Variants in PPFIBP1 observed in about 807,000 individuals in gnomAD.
PPFIBP1 encodes liprin-beta-1.
A neutral mutation model predicts 137.8 loss-of-function variants in PPFIBP1; 112 were observed. The observed-to-expected ratio is 0.81, with a 90% CI of 0.70 to 0.95. The LOEUF is 0.95. Ranked by LOEUF, PPFIBP1 falls within the 40% of genes least tolerant of loss-of-function variation. The pLI is 0.00. For synonymous variants in PPFIBP1, 378 were observed against 417.3 expected, an observed-to-expected ratio of 0.91 and a Z score of 1.15; for missense variants, 1,083 against 1,196.6, an observed-to-expected ratio of 0.91 and a Z score of 1.40.
chr12:27,624,231 G>A (rs1335272518), intron 2 of PPFIBP1, among the ~76,000 whole-genome samples: 2 of 152,168 alleles, frequency 1.3e-5, no homozygotes, highest in Admixed American at 6.5e-5. Context: ...CCAAATGAGT[G>A]AGAGGCATAT....
intron 4 of PPFIBP1, among the ~76,000 whole-genome samples, chr12:27,642,906 G>A (rs2058214111): frequency 6.6e-6 from 1 of 152,016 alleles, no homozygotes; most frequent in Non-Finnish European, 1.5e-5. Context: ...GTTCTCCCAA[G>A]CCTGCAGGAC....
chr12:27,602,539 C>T (rs772705360), intron 2 of PPFIBP1, among the ~76,000 whole-genome samples: 9 of 152,164 alleles, frequency 5.9e-5, no homozygotes, highest in Non-Finnish European at 7.3e-5. Flanking sequence ...CTTTGAAAGA[C>T]GTAGACAACT....
At position 27,630,738 on chromosome 12, in the gene PPFIBP1, T is replaced by C. The variant is rs567801055; in HGVS notation, c.-35-2624T>C. Among the ~76,000 whole-genome samples the C allele has an allele frequency of 1.6e-4, 25 of 152,312 alleles. No individual in the cohort carries two copies. The South Asian group carries it at 4.1e-3, about 25-fold the overall frequency. On this transcript the variant is annotated intron_variant, in intron 2 of 29. Transcript: ENST00000228425. ...CTTCTGTCACCTGAATAGTGTACAT[T>C]GTACCTATTTTCATCCTCACCTCCC...
intron 2 of PPFIBP1, among the ~76,000 whole-genome samples, chr12:27,628,282 G>T (rs1328236376): frequency 6.6e-6 from 1 of 152,120 alleles, no homozygotes; most frequent in African/African-American, 2.4e-5. Context: ...CTGGGCTCAA[G>T]TGATCCACCT....
intron 1 of PPFIBP1, among the ~76,000 whole-genome samples, chr12:27,563,807 G>T (rs571582211): frequency 1.3e-5 from 2 of 151,572 alleles, no homozygotes; most frequent in Admixed American, 6.6e-5. Context: ...AACATAAAGG[G>T]ACTTAAGGAA....
In PPFIBP1 at chr12:27,656,694, A is replaced by G; in HGVS notation, c.775A>G (p.Lys259Glu). ...AAGGCTACAAGAAAAATTGGTTTGCAAGATGAAAGGAGAAGGGGTTGAAAT... is the reference window on the plus strand; with the variant it reads ...AAGGCTACAAGAAAAATTGGTTTGCGAGATGAAAGGAGAAGGGGTTGAAAT... ...VKRLQEKLVC[K>E]MKGEGVEIVD... The change falls in exon 9 of 30, where the codon AAG becomes GAG. Residue 259 changes from lysine to glutamate, a missense_variant. Lys to Glu is a moderately conservative substitution (Grantham distance 56). Transcript: ENST00000228425. 6.2e-7 allele frequency: 1 copy of G among 1,612,038 alleles called. No individual in the cohort carries two copies.
intron 15 of PPFIBP1, 104 bp downstream of exon 15, chr12:27,672,587 T>G: frequency 1.2e-6 from 1 of 862,434 alleles, no homozygotes; most frequent in Non-Finnish European, 1.9e-6. Flanking sequence ...ACCGAGGCTG[T>G]TAAATTACTG....
At chr12:27,623,070 T>C (rs1477027768) in intron 2 of PPFIBP1, among the ~76,000 whole-genome samples, 4 of 152,174 alleles carry the variant, frequency 2.6e-5, no homozygotes, top group African/African-American at 9.6e-5. Context: ...ACTGCTTATA[T>C]CTAGGAAGCA....
At chr12:27,546,942 C>G (rs1441165323) in intron 1 of PPFIBP1, 2 of 152,202 alleles carry the variant, frequency 1.3e-5, no homozygotes, top group Non-Finnish European at 2.9e-5. Flanking sequence ...GTTGAGGCTA[C>G]AGTGAGCCAC....
At chr12:27,596,107 CAT>C (rs770769184) in intron 2 of PPFIBP1, among the ~76,000 whole-genome samples, 3,691 of 49,128 alleles carry the variant, frequency 0.075, 110 homozygotes, top group African/African-American at 0.13. Flanking sequence ...CACACACACA[CAT>C]ATGCTTACAA....
rs779955948 is a variant in PPFIBP1 at position 27,681,677 on chromosome 12, C to T, written c.2027C>T (p.Ser676Phe). ...TCTGGCCAAACGCTTTTGCAGGCTTCTCAACAAGATCTAGAGAAGGTGACT... is the reference window on the plus strand; with the variant it reads ...TCTGGCCAAACGCTTTTGCAGGCTTTTCAACAAGATCTAGAGAAGGTGACT... The part of the protein sequence containing the change: ...IASGQTLLQA[S>F]QQDLEKELGI... Residue 676 changes from serine (S) to phenylalanine (F), a missense_variant, in exon 22 of 30, where the codon TCT (serine) becomes TTT (phenylalanine). By Grantham distance (155) the Ser-to-Phe change is radical. Transcript: ENST00000228425. 37 of 1,614,126 alleles carry T rather than the reference C, an allele frequency of 2.3e-5. No homozygotes were observed. Among genetic ancestry groups the T allele is most frequent in the Non-Finnish European group, 2.4e-5 (28 of 1,180,000 alleles).
At chr12:27,566,524 G>T (rs2049688585) in intron 1 of PPFIBP1, among the ~76,000 whole-genome samples, 1 of 152,218 alleles carries the variant, frequency 6.6e-6, no homozygotes. Flanking sequence ...TGGGGGACAG[G>T]GGTGAAGAAA....
rs2060917741 is a variant in PPFIBP1 at position 27,682,217 on chromosome 12, C to T, written c.2047-170C>T. ...CCTAAGATAATTGTGGTGGTCTTGG[C>T]TTTTCAGGGACCTTTTGTTCAACAA... On this transcript the variant is annotated intron_variant, in intron 22 of 29. Transcript: ENST00000228425. Among the ~76,000 whole-genome samples the T allele has an allele frequency of 2.0e-5, 3 of 152,174 alleles. 1 individual carries two copies. In the South Asian group the frequency reaches 6.2e-4, roughly 31 times the overall value.
chr12:27,668,695 A>G (rs1429950718), intron 13 of PPFIBP1, among the ~76,000 whole-genome samples: 1 of 152,218 alleles, frequency 6.6e-6, no homozygotes, highest in Non-Finnish European at 1.5e-5. Flanking sequence ...GAACACATCC[A>G]CAGCTATCTT....
intron 2 of PPFIBP1, among the ~76,000 whole-genome samples, chr12:27,611,798 CT>C (rs1565869176): frequency 3.3e-5 from 5 of 150,126 alleles, no homozygotes; most frequent in Non-Finnish European, 5.9e-5. Context: ...CTCTCTCTCT[CT>C]CTCTCTCTCT....
At position 27,637,859 on chromosome 12, in the gene PPFIBP1, A is replaced by G. The variant is rs1209579312; in HGVS notation, c.270+2744A>G. 4.6e-5 allele frequency among the ~76,000 whole-genome samples: 7 copies of G among 152,294 alleles called. No homozygotes were observed. In the East Asian group the frequency reaches 1.3e-3, roughly 29 times the overall value. On this transcript the variant is annotated intron_variant, in intron 4 of 29. Transcript: ENST00000228425. The stretch of plus-strand genomic sequence containing the variant: ...ACTTATAATTTAGTAATTTGCTGAT[A>G]ATATTAAATTTTTCCAATTTAATAT...
At chr12:27,687,542 C>T (rs1566019665) in intron 25 of PPFIBP1, 35 bp downstream of exon 25, 2 of 1,608,686 alleles carry the variant, frequency 1.2e-6, no homozygotes, top group Non-Finnish European at 1.7e-6. Context: ...TAAGCATGCA[C>T]TTCCCAGGCA....
intron 2 of PPFIBP1, among the ~76,000 whole-genome samples, chr12:27,619,987 C>A (rs143544930): frequency 4.0e-5 from 6 of 151,718 alleles, no homozygotes; most frequent in African/African-American, 1.5e-4. Context: ...TATATATACA[C>A]GCACATATTT....
chr12:27,634,874 AT>A (rs1244836668), intron 3 of PPFIBP1, 35 bp from the exon 4 acceptor site: 1 of 1,572,450 alleles, frequency 6.4e-7, no homozygotes, highest in Non-Finnish European at 8.7e-7. Flanking sequence ...TCTAACATAA[AT>A]CCCATTGCTC....
Sources: gnomAD v4.1 joint callset for allele counts (sites outside exome capture counted in the v4.1 genomes callset) on GRCh38, gnomAD v4.1.1 for gene constraint, MANE v1.5 for transcripts, NCBI Gene and HGNC (gene_info 2026-07-23, HGNC 2026-07-21) for gene names.